Variants in SLC24A2 observed in about 807,000 individuals in gnomAD.
The protein encoded by SLC24A2 is sodium/potassium/calcium exchanger 2.
Under a neutral mutation model 62.0 loss-of-function variants are expected in SLC24A2, and 36 were observed. That is an observed-to-expected ratio of 0.58 (90% CI 0.44 to 0.77). The LOEUF (loss-of-function observed/expected upper bound fraction) is 0.77, where lower values mean the gene tolerates loss of function less well. Ranked by LOEUF, SLC24A2 falls within the 30% of genes least tolerant of loss-of-function variation. SLC24A2 has a pLI of 0.00. For synonymous variants in SLC24A2, 358 were observed against 294.0 expected, an observed-to-expected ratio of 1.22 and a Z score of -2.23; for missense variants, 846 against 817.9, an observed-to-expected ratio of 1.03 and a Z score of -0.42.
the SLC24A2 span, among the ~76,000 whole-genome samples, chr9:20,277,028 T>C: frequency 6.6e-6 from 1 of 152,200 alleles, no homozygotes. Flanking sequence ...CCTAGACATG[T>C]TCCCCATTGT....
chr9:20,035,259 A>C, the SLC24A2 span, among the ~76,000 whole-genome samples: 7 of 152,302 alleles, frequency 4.6e-5, no homozygotes, highest in South Asian at 1.0e-3. Context: ...TTGGTAAGTT[A>C]AGTGGGGTGA....
At chr9:19,728,580 C>T (rs1821241993) in intron 2 of SLC24A2, among the ~76,000 whole-genome samples, 1 of 152,086 alleles carries the variant, frequency 6.6e-6, no homozygotes, top group South Asian at 2.1e-4. Context: ...ATAGAAGGGT[C>T]TCAACTCTGG....
the SLC24A2 span, among the ~76,000 whole-genome samples, chr9:20,187,651 G>C: frequency 6.6e-6 from 1 of 152,166 alleles, no homozygotes; most frequent in African/African-American, 2.4e-5. Context: ...ATTCAAAGTT[G>C]AAGACTCTGT....
chr9:19,805,706 T>G, the SLC24A2 span, among the ~76,000 whole-genome samples: 5 of 152,018 alleles, frequency 3.3e-5, no homozygotes, highest in African/African-American at 1.2e-4. Context: ...TGATTGGTTC[T>G]TTTTGAACCT....
At chr9:20,251,809 C>T in the SLC24A2 span, among the ~76,000 whole-genome samples, 3 of 152,210 alleles carry the variant, frequency 2.0e-5, no homozygotes, top group Non-Finnish European at 4.4e-5. Context: ...CTCTGTCACC[C>T]ACAACATATC....
chr9:20,048,894 G>A, the SLC24A2 span, among the ~76,000 whole-genome samples: 18 of 150,266 alleles, frequency 1.2e-4, no homozygotes, highest in Non-Finnish European at 1.5e-4. Flanking sequence ...TCTTCTTTCC[G>A]CTTTTTTTCC....
At chr9:19,847,949 G>T in the SLC24A2 span, among the ~76,000 whole-genome samples, 748 of 152,246 alleles carry the variant, frequency 4.9e-3, 11 homozygotes, top group Admixed American at 0.029. Flanking sequence ...GGCGGCAGAG[G>T]TTCATCCCAG....
the SLC24A2 span, among the ~76,000 whole-genome samples, chr9:20,254,422 C>A: frequency 6.6e-6 from 1 of 152,178 alleles, no homozygotes; most frequent in African/African-American, 2.4e-5. Flanking sequence ...TTGGCTACAT[C>A]CATTCAACAA....
chr9:19,508,484 AT>A lies in SLC24A2; in HGVS notation c.*7668del, dbSNP rs1433430728. The A allele has an allele frequency of 6.6e-6, 1 of 152,142 alleles. No homozygotes were observed. The highest frequency in any genetic ancestry group is 1.9e-4 in the East Asian group (1 of 5,190). 9.4% of individuals were successfully genotyped at this position (152,142 alleles called of 1,614,324 possible). A position where few individuals can be genotyped will look rare whatever the true frequency, so the allele number is the denominator to read the frequency against. ...CTAGACTATTAAGTGCTTTTTAGTA[AT>A]TACTTTTACTCAAATTACATAAAAG... On this transcript the variant is annotated 3_prime_UTR_variant, in exon 11 of 11. Transcript: ENST00000341998.
chr9:20,226,635 T>C, the SLC24A2 span, among the ~76,000 whole-genome samples: 3 of 152,078 alleles, frequency 2.0e-5, no homozygotes, highest in African/African-American at 4.8e-5. Context: ...GGCTATAATA[T>C]AGACCTGACA....
At chr9:19,676,367 T>A (rs1819560076) in intron 2 of SLC24A2, among the ~76,000 whole-genome samples, 1 of 152,324 alleles carries the variant, frequency 6.6e-6, no homozygotes, top group Middle Eastern at 3.4e-3. Flanking sequence ...TCCATCTGAG[T>A]GGGAGGTGCA....
the SLC24A2 span, among the ~76,000 whole-genome samples, chr9:20,196,250 C>G: frequency 6.6e-6 from 1 of 152,096 alleles, no homozygotes; most frequent in South Asian, 2.1e-4. Context: ...AGGGAGATAC[C>G]TGCCTAGCTG....
the SLC24A2 span, among the ~76,000 whole-genome samples, chr9:19,814,808 TA>T: frequency 3.9e-5 from 6 of 152,156 alleles, no homozygotes; most frequent in Admixed American, 3.3e-4. Context: ...GTCTATGAAG[TA>T]AAAAATGAAT....
chr9:19,937,035 C>A, the SLC24A2 span, among the ~76,000 whole-genome samples: 2 of 151,960 alleles, frequency 1.3e-5, no homozygotes, highest in African/African-American at 2.4e-5. Context: ...ACCAAAAAGT[C>A]AGGAGAAAGG....
chr9:19,947,055 T>C, the SLC24A2 span, among the ~76,000 whole-genome samples: 1 of 152,222 alleles, frequency 6.6e-6, no homozygotes, highest in Non-Finnish European at 1.5e-5. Flanking sequence ...GCAAATACTG[T>C]AACATAAGTA....
the SLC24A2 span, among the ~76,000 whole-genome samples, chr9:20,010,547 A>C: frequency 6.6e-6 from 1 of 152,170 alleles, no homozygotes; most frequent in South Asian, 2.1e-4. Flanking sequence ...TAGACACTAC[A>C]TCAATAAAAA....
the SLC24A2 span, among the ~76,000 whole-genome samples, chr9:19,855,667 C>T: frequency 1.3e-5 from 2 of 152,200 alleles, no homozygotes; most frequent in Admixed American, 6.5e-5. Flanking sequence ...TGCTGTTAGT[C>T]TGATGGGCTT....
At chr9:20,261,757 TGAGAC>T in the SLC24A2 span, among the ~76,000 whole-genome samples, 2 of 146,678 alleles carry the variant, frequency 1.4e-5, no homozygotes, top group Non-Finnish European at 1.5e-5. Flanking sequence ...TTTTTTTTTT[TGAGAC>T]TGAGTCTCGC....
rs142277359 is a variant in SLC24A2, at chr9:19,557,645, C to G, written c.1348-7377G>C. ...TGCCACAGCTCTGAGTGGCCCAGCC[C>G]CCTAGCTGCTCTTTCACTGAATATT... On this transcript the variant is annotated intron_variant, in intron 7 of 10. Coordinates refer to ENST00000341998, the MANE Select transcript of SLC24A2 (RefSeq NM_020344.4). Among the ~76,000 whole-genome samples, 526 of 152,310 alleles carry G rather than the reference C, an allele frequency of 3.5e-3. 3 individuals carry two copies. Among genetic ancestry groups the G allele is most frequent in the Non-Finnish European group, 6.4e-3 (435 of 68,020 alleles).
Sources: allele counts gnomAD v4.1 joint callset (sites outside exome capture counted in the v4.1 genomes callset), GRCh38; gene constraint gnomAD v4.1.1; transcripts MANE v1.5; gene names NCBI Gene and HGNC (gene_info 2026-07-23, HGNC 2026-07-21).